CNTLN: variants seen among roughly 807,000 people sequenced by gnomAD.
The protein encoded by CNTLN is centlein, centrosomal protein.
A neutral mutation model predicts 180.0 loss-of-function variants in CNTLN; 212 were observed. The observed-to-expected ratio is 1.18, with a 90% CI of 1.05 to 1.32. CNTLN has a LOEUF of 1.32. CNTLN is among the 40% of genes most tolerant of loss of function. The pLI, the probability that CNTLN is intolerant of heterozygous loss-of-function variation, is 0.00. For missense variants in CNTLN, 2,095 were observed against 1,610.9 expected (o/e 1.30, Z -5.14); for synonymous variants, 722 against 563.1 (o/e 1.28, Z -3.99).
chr9:17,464,076 A>G (rs143660275), intron 20 of CNTLN, among the ~76,000 whole-genome samples: 1,828 of 151,604 alleles, frequency 0.012, 12 homozygotes, highest in Non-Finnish European at 0.019. Flanking sequence ...TGGCTAATTT[A>G]GTTTCATTAC....
chr9:17,472,298 A>G (rs953989356), intron 23 of CNTLN, among the ~76,000 whole-genome samples: 3 of 152,116 alleles, frequency 2.0e-5, no homozygotes, highest in African/African-American at 7.2e-5. Context: ...AGATGTAGGA[A>G]TGAATATTCA....
chr9:17,226,665 A>T (rs1824486481), intron 3 of CNTLN, among the ~76,000 whole-genome samples: 1 of 151,990 alleles, frequency 6.6e-6, no homozygotes, highest in African/African-American at 2.4e-5. Flanking sequence ...TACACTTAAA[A>T]CTTGTATTTT....
rs148092609 is a variant in CNTLN at position 17,500,625 on chromosome 9, C to G, written c.4120-1926C>G. On this transcript the variant is annotated intron_variant, in intron 25 of 25. Coordinates refer to ENST00000380647, the MANE Select transcript of CNTLN (RefSeq NM_017738.4). The stretch of plus-strand genomic sequence containing the variant: ...CTTGGAGAGATCAGTGCCTGTTAGC[C>G]TTTTAAAGACTCTTAAGAGGTAGAA... Among the ~76,000 whole-genome samples the G allele has an allele frequency of 4.1e-3, 620 of 152,220 alleles. 4 individuals are homozygous for G. Among genetic ancestry groups the G allele is most frequent in the African/African-American group, 0.014 (597 of 41,532 alleles).
downstream of CNTLN, among the ~76,000 whole-genome samples, chr9:17,505,683 A>G (rs772193938): frequency 3.9e-5 from 6 of 152,166 alleles, no homozygotes; most frequent in Non-Finnish European, 7.4e-5. Context: ...TAGGATACTT[A>G]TGTTAAAGAT....
At chr9:17,512,805 T>C in the CNTLN span, among the ~76,000 whole-genome samples, 2 of 152,044 alleles carry the variant, frequency 1.3e-5, no homozygotes, top group Non-Finnish European at 2.9e-5. Context: ...ACTTTTATAG[T>C]CTATCATTTT....
At chr9:17,304,877 C>T (rs894560050) in intron 7 of CNTLN, among the ~76,000 whole-genome samples, 1 of 151,834 alleles carries the variant, frequency 6.6e-6, no homozygotes, top group Non-Finnish European at 1.5e-5. Flanking sequence ...AAATACTGTG[C>T]CATTTTATAC....
At chr9:17,247,837 T>TC (rs1825890707) in intron 5 of CNTLN, among the ~76,000 whole-genome samples, 1 of 148,932 alleles carries the variant, frequency 6.7e-6, no homozygotes, top group South Asian at 2.1e-4. Flanking sequence ...GTTCTTTCTT[T>TC]TTTTTTTTTT....
At chr9:17,309,345 G>A in intron 8 of CNTLN, 93 bp downstream of exon 8, 1 of 982,928 alleles carries the variant, frequency 1.0e-6, no homozygotes, top group Non-Finnish European at 1.5e-6. Flanking sequence ...AAATATATTT[G>A]CATTTATTGG....
chr9:17,489,798 T>C (rs111619383), intron 25 of CNTLN, among the ~76,000 whole-genome samples: 4,023 of 152,112 alleles, frequency 0.026, 82 homozygotes, highest in Non-Finnish European at 0.044. Context: ...TGTGATGCTA[T>C]TGGTAATTTT....
In CNTLN at chr9:17,268,801, A is replaced by G. The variant is rs187771480; in HGVS notation, c.850-4932A>G. Among the ~76,000 whole-genome samples, 218 of 151,614 alleles carry G rather than the reference A, an allele frequency of 1.4e-3. 2 individuals carry two copies. Among genetic ancestry groups the G allele is most frequent in the Middle Eastern group, 3.4e-3 (1 of 294 alleles). ...CAGTTTGGTCTCAGACTGCTGTGCT[A>G]GCAATCAGCGAGACTCTGTGGGCGT... On this transcript the variant is annotated intron_variant, in intron 5 of 25. Transcript: ENST00000380647.
intron 2 of CNTLN, among the ~76,000 whole-genome samples, chr9:17,145,690 G>A (rs1337625882): frequency 6.6e-6 from 1 of 152,210 alleles, no homozygotes; most frequent in African/African-American, 2.4e-5. Context: ...GGATTTGGAC[G>A]AATTAATTTC....
At chr9:17,362,100 G>C (rs1587776149) in intron 12 of CNTLN, among the ~76,000 whole-genome samples, 1 of 152,226 alleles carries the variant, frequency 6.6e-6, no homozygotes, top group Admixed American at 6.5e-5. Context: ...TAGGGACTGT[G>C]TGTGTTCTTT....
Position 17,274,940 on chromosome 9 carries a change from A to C in CNTLN, c.983+1074A>C, listed in dbSNP as rs376442305. On this transcript the variant is annotated intron_variant, in intron 6 of 25. Coordinates refer to ENST00000380647, the MANE Select transcript of CNTLN (RefSeq NM_017738.4). ...GCCAATAAAGTTAAAATGAATTAGGACATTAACAGATTCCTTGTATCACAT... is the reference window on the plus strand; with the variant it reads ...GCCAATAAAGTTAAAATGAATTAGGCCATTAACAGATTCCTTGTATCACAT... Among the ~76,000 whole-genome samples the C allele has an allele frequency of 4.4e-4, 67 of 152,252 alleles. 1 individual carries two copies. The South Asian group carries it at 0.012, about 28-fold the overall frequency.
chr9:17,158,420 T>G (rs1819449866), intron 2 of CNTLN, among the ~76,000 whole-genome samples: 2 of 152,156 alleles, frequency 1.3e-5, no homozygotes, highest in African/African-American at 4.8e-5. Context: ...AAGTGTTTCC[T>G]TAAATTTTAT....
intron 6 of CNTLN, among the ~76,000 whole-genome samples, chr9:17,281,087 G>C (rs1457815939): frequency 6.6e-6 from 1 of 152,002 alleles, no homozygotes; most frequent in Non-Finnish European, 1.5e-5. Context: ...CTTACATCTT[G>C]GCTTTCTATT....
chr9:17,294,506 T>A (rs758627270), intron 6 of CNTLN, among the ~76,000 whole-genome samples: 13 of 151,482 alleles, frequency 8.6e-5, no homozygotes, highest in Middle Eastern at 3.5e-3. Context: ...CTGATTGGTG[T>A]GTTCACAAAC....
the CNTLN span, among the ~76,000 whole-genome samples, chr9:17,522,780 A>C: frequency 1.6e-3 from 244 of 152,244 alleles, 1 homozygote; most frequent in African/African-American, 5.5e-3. Context: ...TATTCCAAGG[A>C]TTGATGCCCA....
intron 6 of CNTLN, 131 bp downstream of exon 6, chr9:17,273,997 T>C (rs1828124109): frequency 1.4e-6 from 1 of 720,408 alleles, no homozygotes; most frequent in African/African-American, 1.9e-5. Flanking sequence ...GTTTGTGCAT[T>C]GAGAATCTGG....
chr9:17,314,767 C>T (rs1045895381), intron 8 of CNTLN, among the ~76,000 whole-genome samples: 13 of 152,180 alleles, frequency 8.5e-5, no homozygotes, highest in Admixed American at 7.2e-4. Flanking sequence ...TGATCATTCT[C>T]TGTTACCTTC....
Sources: gnomAD v4.1 joint callset for allele counts (sites outside exome capture counted in the v4.1 genomes callset) on GRCh38, gnomAD v4.1.1 for gene constraint, MANE v1.5 for transcripts, NCBI Gene and HGNC (gene_info 2026-07-23, HGNC 2026-07-21) for gene names.